Variants in PGM5 observed in about 807,000 individuals in gnomAD.
The protein encoded by PGM5 is phosphoglucomutase-like protein 5.
In PGM5, 23 loss-of-function variants were observed where a neutral mutation model predicts 59.2. The observed-to-expected ratio is 0.39, with a 90% CI of 0.28 to 0.55. PGM5 has a LOEUF of 0.55. PGM5 is among the 20% of genes least tolerant of loss of function. The pLI, the probability that PGM5 is intolerant of heterozygous loss-of-function variation, is 0.66. For missense variants in PGM5, 574 were observed against 748.3 expected, an observed-to-expected ratio of 0.77 and a Z score of 2.72; for synonymous variants, 214 against 286.0, an observed-to-expected ratio of 0.75 and a Z score of 2.54.
chr9:68,359,198 T>C (rs1435005557), intron 1 of PGM5, among the ~76,000 whole-genome samples: 7 of 152,246 alleles, frequency 4.6e-5, no homozygotes, highest in Non-Finnish European at 8.8e-5. Context: ...CTTACTTCAA[T>C]GGGTCTTCTA....
intron 1 of PGM5, among the ~76,000 whole-genome samples, chr9:68,371,246 G>A (rs1398813113): frequency 6.6e-6 from 1 of 152,214 alleles, no homozygotes; most frequent in African/African-American, 2.4e-5. Context: ...GCAACAGAAT[G>A]CCATGGCTTG....
intron 6 of PGM5, chr9:68,429,402 C>T (rs1055157174): frequency 1.4e-4 from 22 of 152,034 alleles, no homozygotes; most frequent in African/African-American, 4.8e-4. Flanking sequence ...ACAAAAAAAC[C>T]AATCCAGATT....
intron 7 of PGM5, among the ~76,000 whole-genome samples, chr9:68,477,592 A>C (rs75512718): frequency 0.021 from 3,166 of 152,340 alleles, 92 homozygotes; most frequent in African/African-American, 0.071. Context: ...CTGTTTCTTA[A>C]GACATTACTA....
rs1834444502 is a variant in PGM5 at position 68,356,634 on chromosome 9, C to T, written c.-494C>T. On this transcript the variant is annotated 5_prime_UTR_variant, in exon 1 of 11. It adds an upstream start codon to the 5' untranslated region. Transcript: ENST00000396396. ...GCGCACTCCCAGGGAGACAGGGAGACGGGCCGGGCGCCGGAGAGGAACCCG... is the reference window on the plus strand; with the variant it reads ...GCGCACTCCCAGGGAGACAGGGAGATGGGCCGGGCGCCGGAGAGGAACCCG... Among the ~76,000 whole-genome samples the T allele has an allele frequency of 6.6e-6, 1 of 152,304 alleles. No individual in the cohort carries two copies.
chr9:68,422,177 G>A (rs1326443544), intron 6 of PGM5, among the ~76,000 whole-genome samples: 6 of 152,022 alleles, frequency 3.9e-5, no homozygotes, highest in African/African-American at 1.4e-4. Flanking sequence ...TAGCCAAGTA[G>A]GAGGAACAAT....
intron 10 of PGM5, among the ~76,000 whole-genome samples, chr9:68,517,415 T>C (rs1378436633): frequency 6.6e-6 from 1 of 152,234 alleles, no homozygotes; most frequent in Non-Finnish European, 1.5e-5. Context: ...GATTCCTGGA[T>C]ATGTAACTAT....
chr9:68,483,948 T>C lies in PGM5; in HGVS notation c.1379T>C (p.Ile460Thr), dbSNP rs200775373. 7.3e-5 allele frequency: 118 copies of C among 1,614,034 alleles called. No homozygotes were observed. The highest frequency in any genetic ancestry group is 6.7e-5 in the East Asian group (3 of 44,890). The change falls in exon 9 of 11, where the codon ATT becomes ACT. Residue 460 changes from isoleucine to threonine, a missense_variant. Physicochemically the swap from Ile to Thr is moderately conservative, Grantham distance 89. Around this residue, in one of 7 missense-constraint regions of PGM5, gnomAD observed 300 missense variants for 280.0 expected, o/e 1.07. Transcript: ENST00000396396. ...GCCCTGGTCACAGACAAATCCTTCA[T>C]TGGCCAGCAGTTTGCTGTGGGGAGC... The part of the protein sequence containing the change: ...LEALVTDKSF[I>T]GQQFAVGSHV...
At chr9:68,473,100 C>T (rs1329991335) in intron 7 of PGM5, among the ~76,000 whole-genome samples, 4 of 151,954 alleles carry the variant, frequency 2.6e-5, no homozygotes, top group Non-Finnish European at 5.9e-5. Context: ...ATCAGTCTAC[C>T]GATCGATCGA....
In PGM5 at chr9:68,530,677, G is replaced by T. The variant is rs184789853; in HGVS notation, c.*1021G>T. ...AAGCTGGAAGAAAATGTAATTGGTG[G>T]TACAGCTATGGGCCAGATGGTGGAG... On this transcript the variant is annotated 3_prime_UTR_variant, in exon 11 of 11. Coordinates refer to ENST00000396396, the MANE Select transcript of PGM5 (RefSeq NM_021965.4). 2.6e-5 allele frequency: 4 copies of T among 152,342 alleles called. No homozygotes were observed. The highest frequency in any genetic ancestry group is 2.6e-4 in the Admixed American group (4 of 15,298). The allele number at this position is 152,342 out of a possible 1,614,324, so 9.4% of individuals were successfully genotyped here.
At chr9:68,445,313 G>T (rs1823594289) in intron 6 of PGM5, among the ~76,000 whole-genome samples, 1 of 152,076 alleles carries the variant, frequency 6.6e-6, no homozygotes, top group Non-Finnish European at 1.5e-5. Flanking sequence ...TTTAAACAAC[G>T]TTGTCAGGTA....
rs1387354666 is a variant in PGM5, at chr9:68,356,816, G to C, written c.-312G>C. The C allele has an allele frequency of 3.2e-6, 1 of 308,498 alleles. No homozygotes were observed. The highest frequency in any genetic ancestry group is 2.2e-5 in the African/African-American group (1 of 45,562). 19.1% of individuals were successfully genotyped at this position (308,498 alleles called of 1,614,324 possible). ...TGGAATCAGGCTTTTGGGACACCCC[G>C]AAAGTGAGTCCAACTTGGGGAGAAA... On this transcript the variant is annotated 5_prime_UTR_variant, in exon 1 of 11. Transcript: ENST00000396396.
intron 10 of PGM5, among the ~76,000 whole-genome samples, chr9:68,511,414 C>A (rs36011409): frequency 0.31 from 47,393 of 151,820 alleles, 8,884 homozygotes; most frequent in East Asian, 0.41. Flanking sequence ...ATCCTTTTGG[C>A]CAATGATTAG....
chr9:68,512,413 G>A (rs782575380), intron 10 of PGM5, among the ~76,000 whole-genome samples: 55 of 152,168 alleles, frequency 3.6e-4, no homozygotes, highest in Non-Finnish European at 6.6e-4. Flanking sequence ...ACCACAAACT[G>A]GGTGGCTTAC....
chr9:68,529,568 C>T lies in PGM5; in HGVS notation c.1616C>T (p.Ala539Val). 11 of 1,589,094 alleles carry T rather than the reference C, an allele frequency of 6.9e-6. No homozygotes were observed. The highest frequency in any genetic ancestry group is 9.5e-6 in the Non-Finnish European group (11 of 1,163,632). ...DPSGHDQEPQ[A>V]VLSPLIAIAL... ...CAGACTTTCCTTTTCCTTTTGCAGG[C>T]AGTGCTGAGCCCTCTCATAGCCATC... Residue 539 changes from alanine to valine, a missense_variant and splice_region_variant, in exon 11 of 11, where the codon GCA becomes GTA. Physicochemically the swap from Ala to Val is moderately conservative, Grantham distance 64 (BLOSUM62 0). Coordinates refer to ENST00000396396, the MANE Select transcript of PGM5 (RefSeq NM_021965.4).
At chr9:68,390,684 T>G in intron 4 of PGM5, among the ~76,000 whole-genome samples, 1 of 152,292 alleles carries the variant, frequency 6.6e-6, no homozygotes, top group East Asian at 1.9e-4. Context: ...ATGTTCTACC[T>G]CAGGCTCTGT....
intron 6 of PGM5, among the ~76,000 whole-genome samples, chr9:68,447,838 C>T (rs1465636678): frequency 2.6e-5 from 4 of 152,154 alleles, no homozygotes; most frequent in East Asian, 3.9e-4. Context: ...ACTCCCTGCC[C>T]GGCCACTTAC....
intron 10 of PGM5, among the ~76,000 whole-genome samples, chr9:68,502,762 T>A (rs1431424311): frequency 6.6e-6 from 1 of 152,194 alleles, no homozygotes; most frequent in African/African-American, 2.4e-5. Context: ...TGATCTCAGC[T>A]CACTGTAACC....
intron 6 of PGM5, among the ~76,000 whole-genome samples, chr9:68,425,572 T>C (rs1345693933): frequency 6.6e-6 from 1 of 152,212 alleles, no homozygotes; most frequent in Non-Finnish European, 1.5e-5. Flanking sequence ...TTGGATCAAA[T>C]CCTATCCTAA....
At position 68,502,063 on chromosome 9, in the gene PGM5, A is replaced by G. The variant is rs75929677; in HGVS notation, c.1614+2702A>G. Among the ~76,000 whole-genome samples the G allele has an allele frequency of 2.0e-5, 3 of 152,308 alleles. No homozygotes were observed. In the East Asian group the frequency reaches 5.8e-4, roughly 29 times the overall value. On this transcript the variant is annotated intron_variant, in intron 10 of 10. Transcript: ENST00000396396. ...TCAATTTCTTATCTACATCAAAAAT[A>G]TTTTTTAAAAATTATATCCATATGT...
Sources: allele counts gnomAD v4.1 joint callset (sites outside exome capture counted in the v4.1 genomes callset), GRCh38; gene constraint gnomAD v4.1.1; regional missense constraint gnomAD v4.1.1; transcripts MANE v1.5; gene names NCBI Gene and HGNC (gene_info 2026-07-23, HGNC 2026-07-21).